ZC3H11A: variants seen among roughly 807,000 people sequenced by gnomAD.
ZC3H11A encodes the protein zinc finger CCCH-type containing 11A.
Under a neutral mutation model 90.8 loss-of-function variants are expected in ZC3H11A, and 22 were observed. The observed-to-expected ratio is 0.24, with a 90% CI of 0.17 to 0.35. The LOEUF is 0.35. Among genes scored for constraint, ZC3H11A ranks in the 10% least tolerant of loss-of-function variants. The probability of loss-of-function intolerance (pLI) is 1.00; values close to 1 mark genes in which losing one functional copy is unlikely to be tolerated. For missense variants in ZC3H11A, 701 were observed against 964.9 expected (o/e 0.73, Z 3.62); for synonymous variants, 294 against 339.8 (o/e 0.87, Z 1.48).
intron 1 of ZC3H11A, 67 bp from the exon 2 acceptor site, chr1:203,801,508 A>AC (rs1352447719): frequency 1.3e-5 from 2 of 152,566 alleles, no homozygotes; most frequent in Non-Finnish European, 2.9e-5. Flanking sequence ...TTTTAGTAAA[A>AC]GTCTATTAAA....
intron 10 of ZC3H11A, chr1:203,835,801 C>T (rs949169457): frequency 2.5e-5 from 6 of 242,322 alleles, no homozygotes; most frequent in Non-Finnish European, 5.5e-5. Flanking sequence ...AATTTTGTTT[C>T]ATCTGGGGCA....
chr1:203,806,227 G>T (rs530137752), intron 2 of ZC3H11A: 1 of 376,358 alleles, frequency 2.7e-6, no homozygotes, highest in East Asian at 7.2e-5. Flanking sequence ...GCTGGGCAGC[G>T]GAGCCTTAAT....
intron 4 of ZC3H11A, among the ~76,000 whole-genome samples, chr1:203,827,737 T>G (rs890075114): frequency 6.6e-6 from 1 of 151,996 alleles, no homozygotes; most frequent in Non-Finnish European, 1.5e-5. Flanking sequence ...CCTTAGTGTG[T>G]TGTTATAGGT....
intron 4 of ZC3H11A, among the ~76,000 whole-genome samples, chr1:203,827,612 G>A (rs1680968156): frequency 1.3e-5 from 2 of 151,866 alleles, no homozygotes; most frequent in Admixed American, 1.3e-4. Context: ...AACCCGGGAG[G>A]CGGAGCTTGC....
At chr1:203,839,076 A>G (rs551003106) in intron 11 of ZC3H11A, among the ~76,000 whole-genome samples, 11 of 152,232 alleles carry the variant, frequency 7.2e-5, no homozygotes, top group Admixed American at 1.3e-4. Context: ...GGGGGCAAGC[A>G]TGCTGGCGTG....
chr1:203,820,954 G>A (rs765361904), intron 4 of ZC3H11A, among the ~76,000 whole-genome samples: 4 of 151,966 alleles, frequency 2.6e-5, no homozygotes, highest in East Asian at 1.9e-4. Flanking sequence ...CCTTTACCCC[G>A]TTTCTCATCA....
intron 11 of ZC3H11A, among the ~76,000 whole-genome samples, chr1:203,838,720 G>A (rs990187349): frequency 2.0e-5 from 3 of 152,180 alleles, no homozygotes; most frequent in African/African-American, 7.2e-5. Context: ...GGAGGCCGAG[G>A]TGGGTGGATC....
At chr1:203,845,714 A>C (rs1260871252) in intron 12 of ZC3H11A, among the ~76,000 whole-genome samples, 3 of 152,024 alleles carry the variant, frequency 2.0e-5, no homozygotes, top group Non-Finnish European at 2.9e-5. Flanking sequence ...AAAATACAAA[A>C]ATTAGCCAGG....
At chr1:203,805,590 G>A (rs1380848254) in intron 2 of ZC3H11A, 2 of 627,148 alleles carry the variant, frequency 3.2e-6, no homozygotes, top group Non-Finnish European at 6.2e-6. Context: ...CCCATAATAT[G>A]TTTTACATGA....
intron 2 of ZC3H11A, among the ~76,000 whole-genome samples, chr1:203,811,649 C>T (rs1674521219): frequency 6.6e-6 from 1 of 152,220 alleles, no homozygotes; most frequent in East Asian, 1.9e-4. Flanking sequence ...GCTGAGACTA[C>T]AGTTGTGGGC....
chr1:203,829,012 C>T (rs192601171), intron 5 of ZC3H11A, among the ~76,000 whole-genome samples: 9 of 152,234 alleles, frequency 5.9e-5, no homozygotes, highest in South Asian at 2.1e-4. Context: ...ACAGTTGCTA[C>T]GTGATTAAAA....
rs1246344584 is a variant in ZC3H11A, at chr1:203,852,239, G to C, written c.2273G>C (p.Ser758Thr). The C allele has an allele frequency of 1.2e-6, 2 of 1,613,562 alleles. No individual in the cohort carries two copies. Among genetic ancestry groups the C allele is most frequent in the Admixed American group, 3.3e-5 (2 of 59,968 alleles). The change falls in exon 18 of 18, where the codon AGC (serine) becomes ACC (threonine). Residue 758 changes from serine to threonine, a missense_variant. Coordinates refer to ENST00000367210, the MANE Select transcript of ZC3H11A (RefSeq NM_001376342.1). ...SQMSMKTRRL[S>T]SASTGKPPLS... is the part of the protein sequence containing the mutation. ...ATGAGCATGAAAACTCGCCGACTCA[G>C]CTCTGCCTCAACAGGAAAGCCCCCA...
rs142084451 is a variant in ZC3H11A, at chr1:203,829,877, T to C, written c.600T>C (p.Pro200=). The change falls in exon 7 of 18, where the codon CCT becomes CCC. Residue 200 remains proline, a synonymous_variant. Transcript: ENST00000367210. ...TACGAGTGACTTCTGTCCGGAAACC[T>C]GCAGTCAATATAAAGCAAGGTAAGA... ...NGLRVTSVRK[P]AVNIKQGECL... is the part of the protein sequence containing the mutation. The C allele has an allele frequency of 4.1e-5, 66 of 1,613,882 alleles. No individual in the cohort carries two copies. Among genetic ancestry groups the C allele is most frequent in the Non-Finnish European group, 5.2e-5 (61 of 1,179,860 alleles).
At chr1:203,803,738 T>C (rs1671242867) in intron 2 of ZC3H11A, among the ~76,000 whole-genome samples, 2 of 152,140 alleles carry the variant, frequency 1.3e-5, no homozygotes, top group Admixed American at 1.3e-4. Flanking sequence ...CCTGAGTAGC[T>C]GGAACTACAG....
At chr1:203,819,135 T>C (rs959414505) in intron 4 of ZC3H11A, among the ~76,000 whole-genome samples, 4 of 146,700 alleles carry the variant, frequency 2.7e-5, no homozygotes, top group Non-Finnish European at 5.9e-5. Context: ...TATATACATA[T>C]GTATATGTGT....
At chr1:203,812,689 C>A (rs1674929158) in intron 2 of ZC3H11A, among the ~76,000 whole-genome samples, 1 of 146,138 alleles carries the variant, frequency 6.8e-6, no homozygotes, top group African/African-American at 2.6e-5. Flanking sequence ...TCAAACGATT[C>A]TCCTGTTTTT....
chr1:203,821,441 G>A (rs1431422004), intron 4 of ZC3H11A, among the ~76,000 whole-genome samples: 4 of 151,858 alleles, frequency 2.6e-5, no homozygotes, highest in East Asian at 1.9e-4. Context: ...TTTATGCTCC[G>A]ATTGACCCAG....
intron 14 of ZC3H11A, among the ~76,000 whole-genome samples, chr1:203,849,445 T>A (rs1345153367): frequency 6.6e-6 from 1 of 152,258 alleles, no homozygotes; most frequent in Non-Finnish European, 1.5e-5. Context: ...GTGCAGGTAT[T>A]TGATTATTTA....
intron 12 of ZC3H11A, among the ~76,000 whole-genome samples, chr1:203,842,332 T>TC (rs1686627634): frequency 6.6e-6 from 1 of 152,252 alleles, no homozygotes; most frequent in Non-Finnish European, 1.5e-5. Context: ...TGAGCGAGAC[T>TC]CCGTCTGCAA....
Sources: gnomAD v4.1 joint callset for allele counts (sites outside exome capture counted in the v4.1 genomes callset) on GRCh38, gnomAD v4.1.1 for gene constraint, MANE v1.5 for transcripts, NCBI Gene and HGNC (gene_info 2026-07-23, HGNC 2026-07-21) for gene names.